PPIP5K2: variants seen among roughly 807,000 people sequenced by gnomAD.
PPIP5K2 encodes diphosphoinositol pentakisphosphate kinase 2.
PPIP5K2 carries 105 observed loss-of-function variants against 154.6 expected under a neutral mutation model. That is an observed-to-expected ratio of 0.68 (90% CI 0.58 to 0.80). The LOEUF is 0.80. Among genes scored for constraint, PPIP5K2 ranks in the 30% least tolerant of loss-of-function variants. The probability of loss-of-function intolerance (pLI) is 0.00; values close to 1 mark genes in which losing one functional copy is unlikely to be tolerated. For missense variants in PPIP5K2, 992 were observed against 1,504.6 expected (o/e 0.66, Z 5.64); for synonymous variants, 480 against 490.3 (o/e 0.98, Z 0.28).
intron 13 of PPIP5K2, among the ~76,000 whole-genome samples, chr5:103,155,406 CTTTTTTTTTTTTTT>C (rs70990423): frequency 3.7e-3 from 79 of 21,070 alleles, no homozygotes; most frequent in Non-Finnish European, 6.0e-3. Context: ...TCAGAGTTGT[CTTTTTTTTTTTTTT>C]TTTTTTTTTT....
In PPIP5K2 at chr5:103,185,921, A is replaced by T. The variant is rs142215162; in HGVS notation, c.3170-399A>T. On this transcript the variant is annotated intron_variant, in intron 26 of 30. Transcript: ENST00000358359. ...GATTTTATATGACTTAATTTGTGCTAGAAGGAGTGTTTTTTTTTTTTTCTT... is the reference window on the plus strand; with the variant it reads ...GATTTTATATGACTTAATTTGTGCTTGAAGGAGTGTTTTTTTTTTTTTCTT... Among the ~76,000 whole-genome samples, 1,019 of 151,788 alleles carry T rather than the reference A, an allele frequency of 6.7e-3. 7 individuals are homozygous for T. The highest frequency in any genetic ancestry group is 0.013 in the Non-Finnish European group (849 of 67,900).
intron 28 of PPIP5K2, chr5:103,188,941 G>C (rs1800808147): frequency 7.7e-6 from 3 of 391,600 alleles, no homozygotes; most frequent in Non-Finnish European, 1.4e-5. Flanking sequence ...TTTCTTTTGA[G>C]TTTTAAGGTT....
chr5:103,191,892 T>G lies in PPIP5K2; in HGVS notation c.3493+910T>G, dbSNP rs141362864. Among the ~76,000 whole-genome samples, 134 of 152,236 alleles carry G rather than the reference T, an allele frequency of 8.8e-4. 2 individuals are homozygous for G. The highest frequency in any genetic ancestry group is 1.6e-3 in the Non-Finnish European group (109 of 67,950). On this transcript the variant is annotated intron_variant, in intron 29 of 30. Transcript: ENST00000358359. ...ATCTTAGAAAGTGACAAACTTTCTT[T>G]GTGTATCATTCCTCTTTTTCTGAGT...
At chr5:103,144,723 G>T (rs1793443053) in intron 5 of PPIP5K2, among the ~76,000 whole-genome samples, 1 of 152,082 alleles carries the variant, frequency 6.6e-6, no homozygotes. Context: ...TCTATATCCA[G>T]AATCAAATTA....
intron 26 of PPIP5K2, 92 bp downstream of exon 26, chr5:103,184,836 T>C (rs1034385754): frequency 6.7e-6 from 6 of 888,912 alleles, no homozygotes; most frequent in Non-Finnish European, 1.1e-5. Flanking sequence ...CATGACCAAA[T>C]GCTATGCTGT....
At chr5:103,173,123 C>T (rs1297298342) in intron 19 of PPIP5K2, 32 bp from the exon 20 acceptor site, 8 of 1,539,098 alleles carry the variant, frequency 5.2e-6, no homozygotes, top group Non-Finnish European at 7.0e-6. Context: ...GTCATTATAT[C>T]CTTTTTCTAA....
At chr5:103,194,471 T>C (rs1207932900) in intron 29 of PPIP5K2, among the ~76,000 whole-genome samples, 1 of 152,192 alleles carries the variant, frequency 6.6e-6, no homozygotes, top group Non-Finnish European at 1.5e-5. Flanking sequence ...TTGAAATTTA[T>C]CCTCCTAGTC....
At chr5:103,146,503 C>A in intron 5 of PPIP5K2, 24 bp from the exon 6 acceptor site, 1 of 1,599,650 alleles carries the variant, frequency 6.3e-7, no homozygotes, top group South Asian at 1.1e-5. Context: ...TGTGATATTT[C>A]TTGCAATCGT....
chr5:103,164,512 T>C (rs1554217125), intron 17 of PPIP5K2, among the ~76,000 whole-genome samples: 1 of 152,082 alleles, frequency 6.6e-6, no homozygotes, highest in African/African-American at 2.4e-5. Flanking sequence ...ATATTTTCCT[T>C]TATGCACTCT....
intron 5 of PPIP5K2, among the ~76,000 whole-genome samples, chr5:103,142,559 C>G (rs1332270177): frequency 6.6e-6 from 1 of 152,162 alleles, no homozygotes; most frequent in Non-Finnish European, 1.5e-5. Flanking sequence ...GCGCCAAGAG[C>G]GAGCGAGGGC....
At chr5:103,190,704 C>T (rs1351668490) in intron 28 of PPIP5K2, 138 bp from the exon 29 acceptor site, 5 of 630,478 alleles carry the variant, frequency 7.9e-6, no homozygotes, top group East Asian at 6.4e-5. Flanking sequence ...GTCATGACTT[C>T]AGAGATATTG....
At chr5:103,180,886 A>G (rs1177919280) in intron 24 of PPIP5K2, among the ~76,000 whole-genome samples, 1 of 90,248 alleles carries the variant, frequency 1.1e-5, no homozygotes, top group African/African-American at 2.9e-5. Context: ...TTTGCTGGAG[A>G]TGCTTTAGCA....
intron 21 of PPIP5K2, chr5:103,176,957 A>C (rs1019668141): frequency 1.5e-5 from 20 of 1,371,278 alleles, no homozygotes; most frequent in Non-Finnish European, 2.0e-5. Context: ...TGATTTTTGA[A>C]TATCACTTCA....
At chr5:103,195,110 T>C in intron 30 of PPIP5K2, 85 bp downstream of exon 30, 1 of 1,533,930 alleles carries the variant, frequency 6.5e-7, no homozygotes, top group Non-Finnish European at 8.9e-7. Flanking sequence ...AATTTGTTTT[T>C]AATTAGTATC....
chr5:103,181,504 G>C (rs1003834852), intron 24 of PPIP5K2, among the ~76,000 whole-genome samples: 3 of 151,890 alleles, frequency 2.0e-5, no homozygotes, highest in Admixed American at 6.6e-5. Context: ...GGAGGCGGAG[G>C]TTGCAGTGAG....
At position 103,151,306 on chromosome 5, in the gene PPIP5K2, T is replaced by C. The variant is rs1794615096; in HGVS notation, c.960T>C (p.Cys320=). Residue 320 remains cysteine (C), a synonymous_variant, in exon 9 of 31, where the codon TGT becomes TGC. Coordinates refer to ENST00000358359, the MANE Select transcript of PPIP5K2 (RefSeq NM_001276277.3). ...GGGCCAATGGACAGTCCTATGTCTG[T>C]GATGTCAATGGCTTCAGTTTTGTGA... ...LLRANGQSYV[C]DVNGFSFVKN... is the part of the protein sequence containing the mutation. 1 of 1,610,544 alleles carries C rather than the reference T, an allele frequency of 6.2e-7. No individual in the cohort carries two copies. The highest frequency in any genetic ancestry group is 1.1e-5 in the South Asian group (1 of 90,942).
intron 20 of PPIP5K2, 38 bp downstream of exon 20, chr5:103,173,320 C>A: frequency 6.3e-7 from 1 of 1,581,400 alleles, no homozygotes; most frequent in South Asian, 1.2e-5. Flanking sequence ...CTCTAGGCAT[C>A]TATTTTTGCA....
At chr5:103,187,245 CCCTCTTTCTTTTAA>C in intron 27 of PPIP5K2, 55 bp from the exon 28 acceptor site, 1 of 1,181,666 alleles carries the variant, frequency 8.5e-7, no homozygotes, top group Non-Finnish European at 1.2e-6. Flanking sequence ...TTTGTTTTTC[CCCTCTTTCTTTTAA>C]GTGTTCTTTT....
In PPIP5K2 at chr5:103,133,556, T is replaced by C; in HGVS notation, c.218T>C (p.Ile73Thr). ...GAACGGATCTCCTTATTTAAATATA[T>C]CACAGTAGTAGTATTTGAAGAGGAG... ...ILERISLFKY[I>T]TVVVFEEEVI... The change falls in exon 3 of 31, where the codon ATC (isoleucine) becomes ACC (threonine). Residue 73 changes from isoleucine (I) to threonine (T), a missense_variant. Coordinates refer to ENST00000358359, the MANE Select transcript of PPIP5K2 (RefSeq NM_001276277.3). 1 of 1,612,850 alleles carries C rather than the reference T, an allele frequency of 6.2e-7. No individual in the cohort carries two copies. The highest frequency in any genetic ancestry group is 8.5e-7 in the Non-Finnish European group (1 of 1,179,540).
Sources: allele counts gnomAD v4.1 joint callset (sites outside exome capture counted in the v4.1 genomes callset), GRCh38; gene constraint gnomAD v4.1.1; transcripts MANE v1.5; gene names NCBI Gene and HGNC (gene_info 2026-07-23, HGNC 2026-07-21).